The following DCLK1 variants were observed in gnomAD, a reference collection of about 807,000 sequenced individuals.
DCLK1 encodes doublecortin like kinase 1, also known as serine/threonine-protein kinase DCLK1.
In DCLK1, 16 loss-of-function variants were observed where a neutral mutation model predicts 86.2. The observed-to-expected ratio is 0.19, with a 90% CI of 0.13 to 0.28. The LOEUF is 0.28. Among genes scored for constraint, DCLK1 ranks in the 10% least tolerant of loss-of-function variants. The probability of loss-of-function intolerance (pLI) is 1.00; values close to 1 mark genes in which losing one functional copy is unlikely to be tolerated. For missense variants in DCLK1, 590 were observed against 940.2 expected (o/e 0.63, Z 4.87); for synonymous variants, 369 against 370.5 (o/e 1.00, Z 0.05).
intron 10 of DCLK1, among the ~76,000 whole-genome samples, chr13:35,826,809 G>A (rs1868507757): frequency 6.6e-6 from 1 of 151,878 alleles, no homozygotes; most frequent in African/African-American, 2.4e-5. Flanking sequence ...CATGCCCTGG[G>A]AGCCTGAGGC....
intron 3 of DCLK1, among the ~76,000 whole-genome samples, chr13:35,998,086 T>C (rs573587179): frequency 6.6e-6 from 1 of 152,264 alleles, no homozygotes; most frequent in Non-Finnish European, 1.5e-5. Flanking sequence ...GACCCCCTTT[T>C]GAGTATTTTA....
chr13:35,905,047 C>A (rs1874602979), intron 4 of DCLK1, among the ~76,000 whole-genome samples: 1 of 152,212 alleles, frequency 6.6e-6, no homozygotes, highest in Non-Finnish European at 1.5e-5. Flanking sequence ...GTGCTGTTCA[C>A]CTCTCATCAC....
intron 6 of DCLK1, among the ~76,000 whole-genome samples, chr13:35,842,097 C>T (rs978462897): frequency 4.6e-5 from 7 of 151,610 alleles, no homozygotes; most frequent in Admixed American, 4.6e-4. Flanking sequence ...GGCATGGTGG[C>T]GGGTGTCTGT....
intron 4 of DCLK1, among the ~76,000 whole-genome samples, chr13:35,904,986 TG>T (rs1405717991): frequency 6.6e-6 from 1 of 152,234 alleles, no homozygotes; most frequent in East Asian, 1.9e-4. Context: ...GTTTTCTTAT[TG>T]TTTCCTACCC....
chr13:35,984,172 T>G (rs1393916927), intron 3 of DCLK1, among the ~76,000 whole-genome samples: 1 of 152,186 alleles, frequency 6.6e-6, no homozygotes, highest in Non-Finnish European at 1.5e-5. Flanking sequence ...AAAGTTCCCT[T>G]TTGTTTGCTT....
rs1001750785 is a variant in DCLK1 at position 35,772,329 on chromosome 13, T to C, written c.*2206A>G. 2 of 152,210 alleles carry C rather than the reference T, an allele frequency of 1.3e-5. No individual in the cohort carries two copies. The highest frequency in any genetic ancestry group is 4.8e-5 in the African/African-American group (2 of 41,436). 9.4% of individuals were successfully genotyped at this position (152,210 alleles called of 1,614,324 possible). On this transcript the variant is annotated 3_prime_UTR_variant, in exon 17 of 17. Transcript: ENST00000360631. Reference sequence around the variant, plus strand: ...CTAGATGCTGTAGCAATATAGTTAATGCCCACAGAAAAAGCAGTAATTCAG... The same window carrying C: ...CTAGATGCTGTAGCAATATAGTTAACGCCCACAGAAAAAGCAGTAATTCAG...
intron 3 of DCLK1, among the ~76,000 whole-genome samples, chr13:36,078,580 A>C (rs1256642036): frequency 1.3e-5 from 2 of 152,208 alleles, no homozygotes; most frequent in African/African-American, 4.8e-5. Context: ...TAGATACTGA[A>C]ACATTTTCAG....
At chr13:35,794,092 G>A (rs897147086) in intron 15 of DCLK1, among the ~76,000 whole-genome samples, 13 of 152,174 alleles carry the variant, frequency 8.5e-5, no homozygotes, top group Non-Finnish European at 5.9e-5. Context: ...TTTTAACCAA[G>A]GTCTCTATTC....
chr13:35,935,324 G>T (rs562866721), intron 4 of DCLK1, among the ~76,000 whole-genome samples: 1 of 152,224 alleles, frequency 6.6e-6, no homozygotes, highest in South Asian at 2.1e-4. Context: ...AGGATTAATC[G>T]GGTTCAAACA....
intron 4 of DCLK1, among the ~76,000 whole-genome samples, chr13:35,913,033 G>C (rs1875140705): frequency 6.6e-6 from 1 of 152,152 alleles, no homozygotes; most frequent in Admixed American, 6.5e-5. Context: ...CAAAGAAATG[G>C]GGCACCTCCG....
chr13:36,104,250 T>C (rs887509078), intron 3 of DCLK1, among the ~76,000 whole-genome samples: 1 of 152,192 alleles, frequency 6.6e-6, no homozygotes, highest in Non-Finnish European at 1.5e-5. Context: ...CATATGCTAA[T>C]GCCGAGTGGA....
intron 13 of DCLK1, 47 bp downstream of exon 13, chr13:35,808,971 G>T: frequency 1.3e-6 from 2 of 1,552,970 alleles, no homozygotes; most frequent in Non-Finnish European, 1.8e-6. Flanking sequence ...CACTCAGAGA[G>T]TAGAGAAATG....
At chr13:35,898,578 T>C (rs1412666211) in intron 4 of DCLK1, among the ~76,000 whole-genome samples, 2 of 152,214 alleles carry the variant, frequency 1.3e-5, no homozygotes, top group East Asian at 3.8e-4. Context: ...TACCACCTGG[T>C]TGATTTAAAG....
rs1486463536 is a variant in DCLK1 at position 36,068,014 on chromosome 13, A to G, written c.723+43855T>C. Reference sequence around the variant, plus strand: ...TAAACGCACATGTATAAGTGTTCAAATTTTTCAAGTACAGAAAGAAAAAAC... The same window carrying G: ...TAAACGCACATGTATAAGTGTTCAAGTTTTTCAAGTACAGAAAGAAAAAAC... On this transcript the variant is annotated intron_variant, in intron 3 of 16. Transcript: ENST00000360631. Among the ~76,000 whole-genome samples, 2 of 152,200 alleles carry G rather than the reference A, an allele frequency of 1.3e-5. 1 individual carries two copies. The highest frequency in any genetic ancestry group is 4.8e-5 in the African/African-American group (2 of 41,450).
At chr13:35,859,523 C>T (rs1871264254) in intron 5 of DCLK1, among the ~76,000 whole-genome samples, 2 of 152,098 alleles carry the variant, frequency 1.3e-5, no homozygotes, top group Non-Finnish European at 2.9e-5. Context: ...GGTACATGAC[C>T]CTCCTTTATT....
intron 2 of DCLK1, among the ~76,000 whole-genome samples, chr13:36,120,672 A>AAC (rs1407584192): frequency 1.1e-5 from 1 of 94,596 alleles, no homozygotes; most frequent in Non-Finnish European, 2.1e-5. Context: ...TCTACAAGTT[A>AAC]ATAAAAACCC....
chr13:35,862,213 TAGAACAGTTATTTATTTCCA>T (rs1280985728), intron 5 of DCLK1, among the ~76,000 whole-genome samples: 3 of 141,850 alleles, frequency 2.1e-5, no homozygotes, highest in Admixed American at 7.1e-5. Flanking sequence ...TCTCCTGACT[TAGAACAGTTATTTATTTCCA>T]ATTGCTTACA....
At chr13:35,850,823 G>A in intron 6 of DCLK1, 1 of 1,531,346 alleles carries the variant, frequency 6.5e-7, no homozygotes, top group Non-Finnish European at 8.8e-7. Context: ...GCTTTCTTGG[G>A]TGCCCTGTGG....
At chr13:35,826,103 C>G (rs1259719068) in intron 10 of DCLK1, among the ~76,000 whole-genome samples, 1 of 152,068 alleles carries the variant, frequency 6.6e-6, no homozygotes, top group Admixed American at 6.6e-5. Context: ...TGAGTCACTG[C>G]GCCTGGCCCA....
Sources: allele counts gnomAD v4.1 joint callset (sites outside exome capture counted in the v4.1 genomes callset), GRCh38; gene constraint gnomAD v4.1.1; transcripts MANE v1.5; gene names NCBI Gene and HGNC (gene_info 2026-07-23, HGNC 2026-07-21).